DLG2: variants seen among roughly 807,000 people sequenced by gnomAD.
DLG2 encodes disks large homolog 2.
A neutral mutation model predicts 132.5 loss-of-function variants in DLG2; 45 were observed. The observed-to-expected ratio is 0.34, with a 90% CI of 0.27 to 0.44. DLG2 has a LOEUF of 0.44. Ranked by LOEUF, DLG2 falls within the 20% of genes least tolerant of loss-of-function variation. The pLI is 1.00. For missense variants in DLG2, 1,045 were observed against 1,196.9 expected (o/e 0.87, Z 1.87); for synonymous variants, 424 against 419.6 (o/e 1.01, Z -0.13).
chr11:84,988,189 T>A (rs530874086), intron 6 of DLG2, among the ~76,000 whole-genome samples: 2 of 152,136 alleles, frequency 1.3e-5, no homozygotes, highest in South Asian at 4.2e-4. Context: ...AAAACACAAT[T>A]TGATACCACC....
intron 6 of DLG2, among the ~76,000 whole-genome samples, chr11:85,063,624 T>C (rs532377011): frequency 5.9e-4 from 90 of 152,026 alleles, no homozygotes; most frequent in Non-Finnish European, 1.1e-3. Context: ...TTATAAAGCA[T>C]AGACTTAAGT....
At chr11:84,730,945 T>A (rs1206118145) in intron 6 of DLG2, among the ~76,000 whole-genome samples, 1 of 152,102 alleles carries the variant, frequency 6.6e-6, no homozygotes, top group East Asian at 1.9e-4. Context: ...TAACACTTTT[T>A]CTGTTAATGA....
At chr11:84,700,619 G>C (rs1417374424) in intron 6 of DLG2, among the ~76,000 whole-genome samples, 1 of 151,506 alleles carries the variant, frequency 6.6e-6, no homozygotes, top group African/African-American at 2.4e-5. Context: ...CACATATTTG[G>C]AATATTGGCC....
chr11:85,476,492 T>C (rs2093146549), intron 3 of DLG2, among the ~76,000 whole-genome samples: 1 of 152,148 alleles, frequency 6.6e-6, no homozygotes, highest in Admixed American at 6.5e-5. Flanking sequence ...CATCTTTTAA[T>C]TTTTTTACTT....
rs2090992238 is a variant in DLG2, at chr11:84,902,354, TC to T, written c.357+209306del. ...TTATAAAGTATCTGCTTACAGATTT[TC>T]ACAATGCCTCTGAGGTTAAAATGGC... On this transcript the variant is annotated intron_variant, in intron 6 of 27. Transcript: ENST00000376104. Among the ~76,000 whole-genome samples the T allele has an allele frequency of 2.0e-5, 3 of 152,292 alleles. No individual in the cohort carries two copies. In the East Asian group the frequency reaches 5.8e-4, roughly 29 times the overall value.
chr11:83,518,827 G>A (rs2095385948), intron 21 of DLG2, among the ~76,000 whole-genome samples: 1 of 152,012 alleles, frequency 6.6e-6, no homozygotes, highest in Admixed American at 6.6e-5. Context: ...GTAAAAATGA[G>A]AATTAACGAT....
At chr11:83,719,263 G>C (rs1025646367) in intron 18 of DLG2, among the ~76,000 whole-genome samples, 1 of 152,122 alleles carries the variant, frequency 6.6e-6, no homozygotes, top group Non-Finnish European at 1.5e-5. Flanking sequence ...TTTTTCCAGG[G>C]GAGACATCAC....
At chr11:85,586,986 T>C (rs2079013127) in intron 3 of DLG2, among the ~76,000 whole-genome samples, 1 of 152,188 alleles carries the variant, frequency 6.6e-6, no homozygotes, top group African/African-American at 2.4e-5. Flanking sequence ...TTATTGAATT[T>C]CCAAGTATTT....
Position 85,297,754 on chromosome 11 carries a change from G to C in DLG2, c.41-12389C>G, listed in dbSNP as rs1207501400. Among the ~76,000 whole-genome samples the C allele has an allele frequency of 2.6e-5, 4 of 152,102 alleles. No individual in the cohort carries two copies. In the East Asian group the frequency reaches 7.7e-4, roughly 29 times the overall value. ...AACAGAGCTACAGTGGTCCAGAGCA[G>C]AGTGTCAGAGTGGCCCAGGGCCTAA... On this transcript the variant is annotated intron_variant, in intron 3 of 27. Transcript: ENST00000376104.
chr11:84,242,474 C>T (rs972476763), intron 8 of DLG2, among the ~76,000 whole-genome samples: 3 of 151,752 alleles, frequency 2.0e-5, no homozygotes, highest in African/African-American at 7.3e-5. Context: ...GGCATGATCC[C>T]GGCTCACTGC....
At chr11:85,401,778 A>G (rs1422112139) in intron 3 of DLG2, among the ~76,000 whole-genome samples, 2 of 152,204 alleles carry the variant, frequency 1.3e-5, no homozygotes, top group Non-Finnish European at 2.9e-5. Flanking sequence ...AATACAACTT[A>G]CAAAGGATGT....
At chr11:84,032,937 T>C (rs574056124) in intron 11 of DLG2, among the ~76,000 whole-genome samples, 4 of 152,304 alleles carry the variant, frequency 2.6e-5, no homozygotes, top group Admixed American at 6.5e-5. Flanking sequence ...GTTTATAGCA[T>C]GGTTTACTGA....
chr11:84,544,464 A>G (rs758737498), intron 6 of DLG2, among the ~76,000 whole-genome samples: 17 of 152,218 alleles, frequency 1.1e-4, no homozygotes, highest in Non-Finnish European at 1.9e-4. Context: ...CCAAATGAGA[A>G]AACAGAGGGT....
chr11:84,516,577 C>T (rs2099273807), intron 7 of DLG2, among the ~76,000 whole-genome samples: 1 of 151,344 alleles, frequency 6.6e-6, no homozygotes, highest in Non-Finnish European at 1.5e-5. Context: ...ATAAAGTCTT[C>T]CATTAAAGAA....
chr11:85,168,013 C>A (rs2078583379), intron 4 of DLG2, among the ~76,000 whole-genome samples: 1 of 152,078 alleles, frequency 6.6e-6, no homozygotes, highest in Non-Finnish European at 1.5e-5. Flanking sequence ...CTTGAAAAAA[C>A]TGGGCACAGA....
intron 6 of DLG2, among the ~76,000 whole-genome samples, chr11:84,564,401 C>A (rs148722683): frequency 6.6e-6 from 1 of 152,162 alleles, no homozygotes; most frequent in African/African-American, 2.4e-5. Flanking sequence ...TACACATATC[C>A]CTGAAGCAAG....
chr11:84,629,004 T>C (rs1419507214), intron 6 of DLG2, among the ~76,000 whole-genome samples: 1 of 152,156 alleles, frequency 6.6e-6, no homozygotes, highest in Non-Finnish European at 1.5e-5. Context: ...ACAGCCCCCA[T>C]AGCTTTCTGC....
intron 14 of DLG2, among the ~76,000 whole-genome samples, chr11:83,960,471 T>C (rs748373593): frequency 2.0e-5 from 3 of 152,152 alleles, no homozygotes; most frequent in East Asian, 3.9e-4. Context: ...AAAAACATAA[T>C]AAATAATTGC....
intron 6 of DLG2, among the ~76,000 whole-genome samples, chr11:84,980,539 C>T (rs571259133): frequency 1.8e-3 from 270 of 152,190 alleles, no homozygotes; most frequent in African/African-American, 5.3e-3. Flanking sequence ...CCCTTCATGT[C>T]CCCCTGGAAC....
Sources: allele counts gnomAD v4.1 joint callset (sites outside exome capture counted in the v4.1 genomes callset), GRCh38; gene constraint gnomAD v4.1.1; transcripts MANE v1.5; gene names NCBI Gene and HGNC (gene_info 2026-07-23, HGNC 2026-07-21).